RNF114: variants seen among roughly 807,000 people sequenced by gnomAD.
RNF114 encodes the protein ring finger protein 114.
Under a neutral mutation model 28.4 loss-of-function variants are expected in RNF114, and 6 were observed. The ratio of observed to expected loss-of-function variants is 0.21; its 90% confidence interval spans 0.12 to 0.42. RNF114 has a LOEUF of 0.42. Ranked by LOEUF, RNF114 falls within the 10% of genes least tolerant of loss-of-function variation. The pLI is 1.00. For missense variants in RNF114, 249 were observed against 311.7 expected, an observed-to-expected ratio of 0.80 and a Z score of 1.51; for synonymous variants, 115 against 116.7, an observed-to-expected ratio of 0.99 and a Z score of 0.09.
chr20:49,951,370 A>G (rs1331825297), intron 5 of RNF114, among the ~76,000 whole-genome samples: 3 of 151,884 alleles, frequency 2.0e-5, no homozygotes, highest in Admixed American at 1.3e-4. Flanking sequence ...TAGTTGCGCT[A>G]TAGTTTCTGC....
chr20:49,952,478 T>G lies in RNF114; in HGVS notation c.*337T>G. 2.0e-6 allele frequency: 1 copy of G among 489,596 alleles called. No individual in the cohort carries two copies. Among genetic ancestry groups the G allele is most frequent in the East Asian group, 3.0e-5 (1 of 32,896 alleles). 30.3% of individuals were successfully genotyped at this position (489,596 alleles called of 1,614,324 possible). ...TTTCACACTCATTCCTCCCATCCAG[T>G]GTTTGTCTCTCGGGTCCTTCAAGCC... On this transcript the variant is annotated 3_prime_UTR_variant, in exon 6 of 6. Transcript: ENST00000244061.
At chr20:49,945,795 A>C (rs2090328298) in intron 3 of RNF114, among the ~76,000 whole-genome samples, 1 of 152,116 alleles carries the variant, frequency 6.6e-6, no homozygotes, top group Admixed American at 6.6e-5. Flanking sequence ...CCTCCCAAGT[A>C]GCTGGGATTA....
Position 49,946,140 on chromosome 20 carries a change from G to T in RNF114, c.403G>T (p.Val135Phe), listed in dbSNP as rs1366944358. The change falls in exon 4 of 6, where the codon GTT becomes TTT. Residue 135 changes from valine to phenylalanine, a missense_variant. Coordinates refer to ENST00000244061, the MANE Select transcript of RNF114 (RefSeq NM_018683.4). ...TTCCTGTGTTTCACCTTCCAGGAAT[G>T]TTCCAAACCGTTACACCTTTCCTTG... Reference protein sequence around the residue: ...IKDASLQPRNVPNRYTFPCPY... With the variant: ...IKDASLQPRNFPNRYTFPCPY... 6.3e-7 allele frequency: 1 copy of T among 1,585,378 alleles called. No homozygotes were observed. Among genetic ancestry groups the T allele is most frequent in the Middle Eastern group, 1.7e-4 (1 of 5,946 alleles).
intron 2 of RNF114, 134 bp from the exon 3 acceptor site, chr20:49,945,248 C>T (rs888449810): frequency 1.5e-5 from 9 of 606,964 alleles, no homozygotes; most frequent in South Asian, 5.9e-5. Context: ...GCCCCATCAG[C>T]GTAGTCAGGA....
chr20:49,938,904 A>G (rs2090297088), intron 1 of RNF114, among the ~76,000 whole-genome samples: 1 of 152,186 alleles, frequency 6.6e-6, no homozygotes, highest in Non-Finnish European at 1.5e-5. Context: ...TCCTCTTGTC[A>G]TCTGCCTTTG....
intron 4 of RNF114, among the ~76,000 whole-genome samples, chr20:49,948,683 C>A (rs762719657): frequency 6.6e-6 from 1 of 152,224 alleles, no homozygotes; most frequent in Non-Finnish European, 1.5e-5. Context: ...GGTGATCTAC[C>A]GCTTTGGCCT....
At chr20:49,946,935 G>A (rs2090333902) in intron 4 of RNF114, among the ~76,000 whole-genome samples, 2 of 147,592 alleles carry the variant, frequency 1.4e-5, no homozygotes, top group African/African-American at 5.0e-5. Flanking sequence ...AAAAAAAAAT[G>A]TAGGCTGGGC....
chr20:49,948,582 C>T (rs1387166792), intron 4 of RNF114, among the ~76,000 whole-genome samples: 6 of 151,980 alleles, frequency 3.9e-5, no homozygotes, highest in Non-Finnish European at 5.9e-5. Flanking sequence ...GGACTACAGG[C>T]GTGTGCCACC....
chr20:49,943,651 C>CT (rs60425763), intron 2 of RNF114, among the ~76,000 whole-genome samples: 6,441 of 71,980 alleles, frequency 0.089, 858 homozygotes, highest in African/African-American at 0.17. Context: ...CTACTGTCTT[C>CT]TTTTTTTTTT....
chr20:49,943,127 G>C (rs1056498912), intron 2 of RNF114, among the ~76,000 whole-genome samples: 1 of 151,918 alleles, frequency 6.6e-6, no homozygotes, highest in African/African-American at 2.4e-5. Flanking sequence ...CCTTTTCAGC[G>C]TGATTTAGTA....
intron 2 of RNF114, 39 bp from the exon 3 acceptor site, chr20:49,945,343 T>G (rs374870647): frequency 6.7e-6 from 9 of 1,340,524 alleles, no homozygotes; most frequent in Admixed American, 1.7e-5. Flanking sequence ...TGTTGCAAGG[T>G]CCTCACTAAC....
Position 49,946,094 on chromosome 20 carries a change from C to G in RNF114, c.399-42C>G, listed in dbSNP as rs933029706. 3.7e-6 allele frequency: 4 copies of G among 1,094,888 alleles called. No individual in the cohort carries two copies. In the Admixed American group the frequency reaches 6.6e-5, roughly 18 times the overall value. 67.8% of individuals were successfully genotyped at this position (1,094,888 alleles called of 1,614,324 possible). On this transcript the variant is annotated intron_variant, in intron 3 of 5. Coordinates refer to ENST00000244061, the MANE Select transcript of RNF114 (RefSeq NM_018683.4). ...GTGGTTGAAGTTTAATGGAAAGGTA[C>G]TCACAGAAAAGTTTTCTTTTTTCCT...
rs111265874 is a variant in RNF114 at position 49,936,764 on chromosome 20, C to T, written c.140+212C>T. 2.0e-5 allele frequency among the ~76,000 whole-genome samples: 3 copies of T among 152,118 alleles called. No individual in the cohort carries two copies. The South Asian group carries it at 6.2e-4, about 32-fold the overall frequency. On this transcript the variant is annotated intron_variant, in intron 1 of 5. Coordinates refer to ENST00000244061, the MANE Select transcript of RNF114 (RefSeq NM_018683.4). ...CTAAGTATCCCGTTCCTCCGCCCGTCTTAGCGGGGCAGCTGCTGTCTGTTG... is the reference window on the plus strand; with the variant it reads ...CTAAGTATCCCGTTCCTCCGCCCGTTTTAGCGGGGCAGCTGCTGTCTGTTG...
At chr20:49,941,846 G>C in intron 2 of RNF114, 135 bp downstream of exon 2, 1 of 828,790 alleles carries the variant, frequency 1.2e-6, no homozygotes. Flanking sequence ...ATTACCTGTG[G>C]TGATGGCTGG....
intron 2 of RNF114, chr20:49,943,871 G>T (rs1331383082): frequency 2.1e-4 from 14 of 65,528 alleles, no homozygotes; most frequent in African/African-American, 7.6e-4. Context: ...CATACACACA[G>T]AGATATATAT....
In RNF114 at chr20:49,953,514, C is replaced by G. The variant is rs1023558363; in HGVS notation, c.*1373C>G. ...TGCTGCTGTGGGGCTCCGCGCCTGC[C>G]GGTGAAGAGCTGCAGATGCCGAGAA... is the stretch of plus-strand genomic sequence containing the variant. On this transcript the variant is annotated 3_prime_UTR_variant, in exon 6 of 6. Transcript: ENST00000244061. 1 of 152,012 alleles carries G rather than the reference C, an allele frequency of 6.6e-6. No homozygotes were observed. The highest frequency in any genetic ancestry group is 6.6e-5 in the Admixed American group (1 of 15,258). The allele number at this position is 152,012 out of a possible 1,614,324, so 9.4% of individuals were successfully genotyped here.
chr20:49,947,596 T>C (rs143581750), intron 4 of RNF114, among the ~76,000 whole-genome samples: 5 of 152,014 alleles, frequency 3.3e-5, no homozygotes, highest in Non-Finnish European at 7.4e-5. Context: ...AAATGTTACT[T>C]GCACTCATAA....
Position 49,938,237 on chromosome 20 carries a change from C to T in RNF114, c.140+1685C>T, listed in dbSNP as rs191486081. Among the ~76,000 whole-genome samples, 53 of 152,316 alleles carry T rather than the reference C, an allele frequency of 3.5e-4. 1 individual carries two copies. Among genetic ancestry groups the T allele is most frequent in the Admixed American group, 2.4e-3 (36 of 15,296 alleles). On this transcript the variant is annotated intron_variant, in intron 1 of 5. Transcript: ENST00000244061. ...CCAGCACAGTTTGCTAAATGAAGAGCAGCAAAATTTGAGATTTTCTTGAGC... is the reference window on the plus strand; with the variant it reads ...CCAGCACAGTTTGCTAAATGAAGAGTAGCAAAATTTGAGATTTTCTTGAGC...
chr20:49,951,981 C>CCGGATCCAGTTGCTAGGATGTCCTGCTT, intron 5 of RNF114, 95 bp from the exon 6 acceptor site: 1 of 1,015,420 alleles, frequency 9.8e-7, no homozygotes, highest in Non-Finnish European at 1.5e-6. Context: ...GCAACCTGCT[C>CCGGATCCAGTTGCTAGGATGTCCTGCTT]CGGATCCAGT....
Sources: gnomAD v4.1 joint callset for allele counts (sites outside exome capture counted in the v4.1 genomes callset) on GRCh38, gnomAD v4.1.1 for gene constraint, MANE v1.5 for transcripts, NCBI Gene and HGNC (gene_info 2026-07-23, HGNC 2026-07-21) for gene names.